CTNNA2: variants seen among roughly 807,000 people sequenced by gnomAD.
CTNNA2 encodes the protein catenin alpha 2.
In CTNNA2, 42 loss-of-function variants were observed where a neutral mutation model predicts 101.0. The observed-to-expected ratio is 0.42, with a 90% confidence interval of 0.32 to 0.54. CTNNA2 has a LOEUF of 0.54. Among genes scored for constraint, CTNNA2 ranks in the 20% least tolerant of loss-of-function variants. The pLI is 0.14. For missense variants in CTNNA2, 871 were observed against 1,223.1 expected (o/e 0.71, Z 4.29); for synonymous variants, 450 against 456.4 (o/e 0.99, Z 0.18).
chr2:80,038,584 G>A (rs752753473), intron 7 of CTNNA2, among the ~76,000 whole-genome samples: 1 of 152,136 alleles, frequency 6.6e-6, no homozygotes, highest in Non-Finnish European at 1.5e-5. Context: ...AGCCAGGCAC[G>A]GTGGCGGGCA....
chr2:79,719,384 G>A (rs572561931), intron 2 of CTNNA2, among the ~76,000 whole-genome samples: 5 of 152,224 alleles, frequency 3.3e-5, no homozygotes, highest in African/African-American at 1.2e-4. Context: ...ATGCATGTGC[G>A]TGTCTTTTTG....
At chr2:79,730,789 A>G (rs1044846447) in intron 2 of CTNNA2, among the ~76,000 whole-genome samples, 10 of 152,034 alleles carry the variant, frequency 6.6e-5, no homozygotes, top group Admixed American at 2.0e-4. Flanking sequence ...GTACATACAC[A>G]GGACACAAAT....
chr2:80,234,009 G>T (rs1287682855), intron 7 of CTNNA2, among the ~76,000 whole-genome samples: 1 of 151,552 alleles, frequency 6.6e-6, no homozygotes, highest in Non-Finnish European at 1.5e-5. Context: ...CAATCTTCCT[G>T]CACCCTCATG....
At chr2:80,404,172 T>C (rs1678837167) in intron 8 of CTNNA2, among the ~76,000 whole-genome samples, 1 of 152,194 alleles carries the variant, frequency 6.6e-6, no homozygotes, top group Non-Finnish European at 1.5e-5. Flanking sequence ...TTCTAGATTT[T>C]CTAGTTTATT....
intron 2 of CTNNA2, among the ~76,000 whole-genome samples, chr2:79,208,149 C>G (rs1464509843): frequency 2.0e-5 from 3 of 152,070 alleles, no homozygotes; most frequent in Admixed American, 1.3e-4. Context: ...AGGCCACTTT[C>G]CTTTTCTTTA....
At chr2:79,657,817 C>A (rs1462521677) in intron 2 of CTNNA2, among the ~76,000 whole-genome samples, 1 of 151,448 alleles carries the variant, frequency 6.6e-6, no homozygotes, top group Admixed American at 6.6e-5. Context: ...TTTAGTATAT[C>A]AATAGATTAT....
At chr2:79,524,699 T>A (rs1672304952) in intron 1 of CTNNA2, 1 of 152,024 alleles carries the variant, frequency 6.6e-6, no homozygotes, top group Non-Finnish European at 1.5e-5. Flanking sequence ...AAATACACTG[T>A]CTATACTGTA....
At chr2:79,495,354 T>G (rs547770676) in intron 4 of CTNNA2, among the ~76,000 whole-genome samples, 1 of 152,204 alleles carries the variant, frequency 6.6e-6, no homozygotes, top group South Asian at 2.1e-4. Flanking sequence ...AAATGGCAAA[T>G]AAGCACACAT....
At chr2:80,511,748 T>C (rs1688718065) in intron 9 of CTNNA2, among the ~76,000 whole-genome samples, 1 of 152,196 alleles carries the variant, frequency 6.6e-6, no homozygotes, top group African/African-American at 2.4e-5. Context: ...TCAAATTTAA[T>C]AGTGATAGGA....
chr2:80,617,412 T>C (rs966191274), intron 17 of CTNNA2, among the ~76,000 whole-genome samples: 1 of 151,696 alleles, frequency 6.6e-6, no homozygotes, highest in African/African-American at 2.4e-5. Context: ...AAAAAAGCTG[T>C]TGAATATATA....
intron 9 of CTNNA2, among the ~76,000 whole-genome samples, chr2:80,426,680 C>T (rs760702083): frequency 6.6e-6 from 1 of 152,066 alleles, no homozygotes; most frequent in African/African-American, 2.4e-5. Flanking sequence ...AAGAAGCTTA[C>T]GTGGCTTTCA....
rs1462157134 is a variant in CTNNA2, at chr2:79,655,841, AAAAT to A, written c.102+4184_102+4187del. Among the ~76,000 whole-genome samples the A allele has an allele frequency of 6.5e-3, 990 of 152,218 alleles. 10 individuals carry two copies. Among genetic ancestry groups the A allele is most frequent in the African/African-American group, 0.021 (884 of 41,524 alleles). On this transcript the variant is annotated intron_variant, in intron 2 of 18. Coordinates refer to ENST00000402739, the MANE Select transcript of CTNNA2 (RefSeq NM_001282597.3). ...GAGACTCCATCTCAAAAAAAAAAAA[AAAAT>A]GTCTTTTTCATATACCTTTTAGTCC...
chr2:80,330,080 T>C (rs1425118166), intron 7 of CTNNA2, among the ~76,000 whole-genome samples: 6 of 152,246 alleles, frequency 3.9e-5, no homozygotes, highest in Non-Finnish European at 7.3e-5. Flanking sequence ...CAAATAATTG[T>C]CAAACTTCTT....
At chr2:79,437,232 CAAA>C (rs70940035) in intron 4 of CTNNA2, among the ~76,000 whole-genome samples, 1 of 140,416 alleles carries the variant, frequency 7.1e-6, no homozygotes, top group Admixed American at 7.1e-5. Flanking sequence ...GAAACTGTCT[CAAA>C]AAAAAAAAAA....
chr2:80,115,833 AG>A (rs937291979), intron 7 of CTNNA2, among the ~76,000 whole-genome samples: 10 of 152,154 alleles, frequency 6.6e-5, no homozygotes, highest in African/African-American at 2.4e-4. Context: ...CAGTTAAGGA[AG>A]GAGTTCTGAA....
chr2:80,429,753 G>A (rs1444541), intron 9 of CTNNA2, among the ~76,000 whole-genome samples: 82,622 of 152,042 alleles, frequency 0.54, 24,941 homozygotes, highest in East Asian at 0.92. Context: ...ATTGGGCAGT[G>A]AACTAAGCTC....
At chr2:79,891,848 T>A (rs1056303157) in intron 6 of CTNNA2, among the ~76,000 whole-genome samples, 2 of 152,186 alleles carry the variant, frequency 1.3e-5, no homozygotes, top group African/African-American at 4.8e-5. Flanking sequence ...AAAATGCTTA[T>A]GATTTTTCTT....
In CTNNA2 at chr2:80,555,733, C is replaced by T. The variant is rs1227235195; in HGVS notation, c.1581C>T (p.Ala527=). ...AGGATGTGAACAAGTGTGTGATAGC[C>T]CTCCAAGAGGGCGATGTGGACACTC... ...ILEDVNKCVI[A]LQEGDVDTLD... is the part of the protein sequence containing the mutation. The change falls in exon 12 of 19, where the codon GCC becomes GCT. Residue 527 remains alanine (A), a synonymous_variant. Transcript: ENST00000402739. 6 of 1,575,846 alleles carry T rather than the reference C, an allele frequency of 3.8e-6. No homozygotes were observed. Among genetic ancestry groups the T allele is most frequent in the Admixed American group, 1.8e-5 (1 of 54,720 alleles).
At chr2:80,608,393 A>C in intron 17 of CTNNA2, 75 bp downstream of exon 17, 1 of 1,494,340 alleles carries the variant, frequency 6.7e-7, no homozygotes, top group East Asian at 2.3e-5. Flanking sequence ...TGGCAACAGT[A>C]CTGCTAAAAA....
Sources: allele counts gnomAD v4.1 joint callset (sites outside exome capture counted in the v4.1 genomes callset), GRCh38; gene constraint gnomAD v4.1.1; transcripts MANE v1.5; gene names NCBI Gene and HGNC (gene_info 2026-07-23, HGNC 2026-07-21).